RASEF: variants seen among roughly 807,000 people sequenced by gnomAD.
The protein encoded by RASEF is ras and EF-hand domain-containing protein.
Under a neutral mutation model 90.1 loss-of-function variants are expected in RASEF, and 68 were observed. That is an observed-to-expected ratio of 0.75 (90% CI 0.62 to 0.92). The LOEUF is 0.92. RASEF is among the 40% of genes least tolerant of loss of function. The pLI, the probability that RASEF is intolerant of heterozygous loss-of-function variation, is 0.00. For missense variants in RASEF, 949 were observed against 937.2 expected, an observed-to-expected ratio of 1.01 and a Z score of -0.16; for synonymous variants, 331 against 345.2, an observed-to-expected ratio of 0.96 and a Z score of 0.46.
chr9:83,020,604 T>C (rs1829424111), intron 3 of RASEF, among the ~76,000 whole-genome samples: 1 of 152,166 alleles, frequency 6.6e-6, no homozygotes, highest in African/African-American at 2.4e-5. Flanking sequence ...CATGTGTCAT[T>C]GCTGTGGAAT....
At chr9:83,088,504 T>C in the RASEF span, among the ~76,000 whole-genome samples, 2 of 152,024 alleles carry the variant, frequency 1.3e-5, no homozygotes, top group African/African-American at 2.4e-5. Context: ...TACCCATTAT[T>C]GATAGTGAGG....
chr9:83,062,374 T>G (rs1006943113), intron 1 of RASEF, 63 bp downstream of exon 1: 74 of 1,541,034 alleles, frequency 4.8e-5, no homozygotes, highest in Non-Finnish European at 6.5e-5. Context: ...CACCTGCAAG[T>G]AAGTGGGAAG....
chr9:83,005,555 C>T, intron 7 of RASEF, 55 bp from the exon 8 acceptor site: 1 of 1,243,140 alleles, frequency 8.0e-7, no homozygotes, highest in Non-Finnish European at 1.2e-6. Flanking sequence ...CATTGGGGGT[C>T]ACTGTCATCA....
the RASEF span, among the ~76,000 whole-genome samples, chr9:83,110,975 A>T: frequency 6.6e-6 from 1 of 152,234 alleles, no homozygotes; most frequent in Admixed American, 6.5e-5. Flanking sequence ...CATAAGCAAG[A>T]ACTGTGAGAA....
chr9:83,085,498 G>C, the RASEF span, among the ~76,000 whole-genome samples: 2 of 152,110 alleles, frequency 1.3e-5, no homozygotes, highest in African/African-American at 4.8e-5. Context: ...GCCAGGCATG[G>C]TGGCTGCACA....
At chr9:83,218,376 C>A in the RASEF span, among the ~76,000 whole-genome samples, 1 of 152,090 alleles carries the variant, frequency 6.6e-6, no homozygotes, top group African/African-American at 2.4e-5. Context: ...GCATATCAAC[C>A]AGTTTTCTGA....
At chr9:83,098,448 T>G in the RASEF span, among the ~76,000 whole-genome samples, 1 of 152,218 alleles carries the variant, frequency 6.6e-6, no homozygotes, top group South Asian at 2.1e-4. Flanking sequence ...CTGTTTACTA[T>G]GTTTATAATT....
chr9:83,017,650 C>G (rs1829368359), intron 3 of RASEF, among the ~76,000 whole-genome samples: 1 of 152,344 alleles, frequency 6.6e-6, no homozygotes, highest in South Asian at 2.1e-4. Context: ...TTCAGATCAA[C>G]TCTTCACAAA....
intron 6 of RASEF, among the ~76,000 whole-genome samples, chr9:83,007,871 T>A (rs10746694): frequency 6.6e-6 from 1 of 151,924 alleles, no homozygotes; most frequent in East Asian, 1.9e-4. Flanking sequence ...CTTCTAAGGG[T>A]GTCTCAGAAA....
chr9:83,127,353 A>G, the RASEF span, among the ~76,000 whole-genome samples: 5 of 152,206 alleles, frequency 3.3e-5, no homozygotes, highest in Non-Finnish European at 7.3e-5. Context: ...GTAAAAATAA[A>G]TGTGTTTTTT....
chr9:83,135,439 C>G, the RASEF span, among the ~76,000 whole-genome samples: 1 of 151,960 alleles, frequency 6.6e-6, no homozygotes, highest in Non-Finnish European at 1.5e-5. Context: ...CACATGTATA[C>G]ATATGTAACA....
At chr9:83,032,802 T>A (rs1829670612) in intron 1 of RASEF, among the ~76,000 whole-genome samples, 1 of 152,194 alleles carries the variant, frequency 6.6e-6, no homozygotes, top group African/African-American at 2.4e-5. Flanking sequence ...ACCTAAGATG[T>A]ATAAAACTTT....
chr9:83,206,830 A>G, the RASEF span, among the ~76,000 whole-genome samples: 1 of 152,060 alleles, frequency 6.6e-6, no homozygotes, highest in Non-Finnish European at 1.5e-5. Context: ...GGCTTCCAGA[A>G]GCTGTTCACC....
Position 83,063,055 on chromosome 9 carries a change from C to T in RASEF, c.-188G>A, listed in dbSNP as rs1238297599. ...GGGGTGGCCGAGCGGCTCCCTTCGA[C>T]GACGGTTCGGGCCAGCCCCCAACAG... On this transcript the variant is annotated 5_prime_UTR_variant, in exon 1 of 17. Coordinates refer to ENST00000376447, the MANE Select transcript of RASEF (RefSeq NM_152573.4). 9 of 611,500 alleles carry T rather than the reference C, an allele frequency of 1.5e-5. No homozygotes were observed. In the East Asian group the frequency reaches 1.7e-4, roughly 12 times the overall value. The allele number at this position is 611,500 out of a possible 1,614,324, so 37.9% of individuals were successfully genotyped here. A position where few individuals can be genotyped will look rare whatever the true frequency, so the allele number is the denominator to read the frequency against.
the RASEF span, among the ~76,000 whole-genome samples, chr9:83,148,092 G>A: frequency 2.6e-5 from 4 of 152,040 alleles, no homozygotes; most frequent in African/African-American, 9.7e-5. Context: ...ATCTAGGTCT[G>A]AGGGTTTCCA....
At chr9:83,130,843 G>A in the RASEF span, among the ~76,000 whole-genome samples, 2 of 152,190 alleles carry the variant, frequency 1.3e-5, no homozygotes, top group Admixed American at 6.5e-5. Flanking sequence ...AAATACCCAG[G>A]TTGTCCTAGT....
the RASEF span, among the ~76,000 whole-genome samples, chr9:83,169,691 G>T: frequency 6.6e-6 from 1 of 152,006 alleles, no homozygotes; most frequent in African/African-American, 2.4e-5. Flanking sequence ...TCTCCTTAAT[G>T]ATTAGTGATG....
intron 15 of RASEF, among the ~76,000 whole-genome samples, chr9:82,991,403 G>A (rs890872501): frequency 3.9e-5 from 6 of 152,130 alleles, no homozygotes; most frequent in Non-Finnish European, 8.8e-5. Flanking sequence ...AATTATAATT[G>A]CTCAAGTTAT....
the RASEF span, among the ~76,000 whole-genome samples, chr9:83,193,844 T>A: frequency 6.6e-6 from 1 of 152,258 alleles, no homozygotes; most frequent in Non-Finnish European, 1.5e-5. Context: ...ATCAAAGGCA[T>A]TTTTATATTA....
Sources: gnomAD v4.1 joint callset for allele counts (sites outside exome capture counted in the v4.1 genomes callset) on GRCh38, gnomAD v4.1.1 for gene constraint, MANE v1.5 for transcripts, NCBI Gene and HGNC (gene_info 2026-07-23, HGNC 2026-07-21) for gene names.